Variants in ZNF519 observed in about 807,000 individuals in gnomAD.
The protein encoded by ZNF519 is zinc finger protein 519.
Under a neutral mutation model 7.4 loss-of-function variants are expected in ZNF519, and 7 were observed. That is an observed-to-expected ratio of 0.94 (90% CI 0.54 to 1.77). ZNF519 has a LOEUF of 1.77. ZNF519 is among the 40% of genes most tolerant of loss of function. ZNF519 has a pLI of 0.00. For synonymous variants in ZNF519, 179 were observed against 203.3 expected, an observed-to-expected ratio of 0.88 and a Z score of 1.02; for missense variants, 586 against 623.1, an observed-to-expected ratio of 0.94 and a Z score of 0.63.
chr18:14,108,886 T>A lies in ZNF519; in HGVS notation c.131-2477A>T, dbSNP rs187695525. Among the ~76,000 whole-genome samples, 6 of 151,900 alleles carry A rather than the reference T, an allele frequency of 3.9e-5. No individual in the cohort carries two copies. In the East Asian group the frequency reaches 9.7e-4, roughly 25 times the overall value. On this transcript the variant is annotated intron_variant, in intron 2 of 2. Transcript: ENST00000590202. ...TGGGTGGATCACCTGAGGTTGGGAGTTTGAGACCAGCCTGATTAACATGGA... is the reference window on the plus strand; with the variant it reads ...TGGGTGGATCACCTGAGGTTGGGAGATTGAGACCAGCCTGATTAACATGGA...
At chr18:14,124,310 T>C in intron 2 of ZNF519, 40 bp downstream of exon 2, 1 of 1,558,486 alleles carries the variant, frequency 6.4e-7, no homozygotes, top group South Asian at 1.3e-5. Context: ...AATAAAACTC[T>C]GAGGGAGAAT....
intron 2 of ZNF519, among the ~76,000 whole-genome samples, chr18:14,111,415 T>C (rs1411965811): frequency 7.0e-6 from 1 of 143,078 alleles, no homozygotes; most frequent in African/African-American, 2.6e-5. Context: ...CTGAGGCAGG[T>C]AGAATTGCTG....
chr18:14,114,632 C>T (rs1387637238), intron 2 of ZNF519, among the ~76,000 whole-genome samples: 1 of 152,010 alleles, frequency 6.6e-6, no homozygotes, highest in Non-Finnish European at 1.5e-5. Flanking sequence ...AGGGAGAGAG[C>T]AGAATTGTTA....
intron 2 of ZNF519, among the ~76,000 whole-genome samples, chr18:14,092,797 G>A (rs778036312): frequency 2.6e-5 from 4 of 152,106 alleles, no homozygotes; most frequent in Non-Finnish European, 5.9e-5. Flanking sequence ...TGTCAACTAG[G>A]CCTCAATCTT....
In ZNF519 at chr18:14,132,372, T is replaced by C. The variant is rs2046335501; in HGVS notation, c.-95A>G. On this transcript the variant is annotated 5_prime_UTR_variant, in exon 1 of 3. Transcript: ENST00000590202. ...GGAGTGAGTGGCAGAATCACCGAAG[T>C]CTCCCGGAGCAGAGGACACAAGGCA... The C allele has an allele frequency of 9.3e-6, 14 of 1,498,978 alleles. No individual in the cohort carries two copies. Among genetic ancestry groups the C allele is most frequent in the Non-Finnish European group, 1.1e-5 (12 of 1,079,924 alleles). The allele number at this position is 1,498,978 out of a possible 1,614,324, so 92.9% of individuals were successfully genotyped here. A position where few individuals can be genotyped will look rare whatever the true frequency, so the allele number is the denominator to read the frequency against.
In ZNF519 at chr18:14,101,766, G is replaced by C; in HGVS notation, c.*3151C>G. ...CATCAGTTCTTTGATGATGTTCTGT[G>C]TGGAGCTCTGCAAAGACAAACCAGC... On this transcript the variant is annotated 3_prime_UTR_variant, in exon 3 of 3. Coordinates refer to ENST00000590202, the MANE Select transcript of ZNF519 (RefSeq NM_145287.4). 2.5e-6 allele frequency: 1 copy of C among 398,638 alleles called. No homozygotes were observed. Among genetic ancestry groups the C allele is most frequent in the Non-Finnish European group, 4.4e-6 (1 of 226,102 alleles). 24.7% of individuals were successfully genotyped at this position (398,638 alleles called of 1,614,324 possible).
At position 14,132,392 on chromosome 18, in the gene ZNF519, A is replaced by T; in HGVS notation, c.-115T>A. Reference sequence around the variant, plus strand: ...CGAAGTCTCCCGGAGCAGAGGACACAAGGCAATGAAGCCCTAACCCCGCGC... The same window carrying T: ...CGAAGTCTCCCGGAGCAGAGGACACTAGGCAATGAAGCCCTAACCCCGCGC... On this transcript the variant is annotated 5_prime_UTR_variant, in exon 1 of 3. Transcript: ENST00000590202. 1 of 1,328,352 alleles carries T rather than the reference A, an allele frequency of 7.5e-7. No homozygotes were observed. The highest frequency in any genetic ancestry group is 1.1e-6 in the Non-Finnish European group (1 of 934,542). The allele number at this position is 1,328,352 out of a possible 1,614,324, so 82.3% of individuals were successfully genotyped here. A position where few individuals can be genotyped will look rare whatever the true frequency, so the allele number is the denominator to read the frequency against.
chr18:14,124,233 GAAGAA>G (rs1167654184), intron 2 of ZNF519, 112 bp downstream of exon 2: 2 of 951,892 alleles, frequency 2.1e-6, no homozygotes, highest in Admixed American at 3.3e-5. Context: ...ATTTTTTCTT[GAAGAA>G]AAGAACTGAA....
At chr18:14,092,680 A>G (rs2046119328) in intron 2 of ZNF519, among the ~76,000 whole-genome samples, 2 of 152,164 alleles carry the variant, frequency 1.3e-5, no homozygotes, top group South Asian at 4.1e-4. Flanking sequence ...ATCAGCCTCC[A>G]GTATTTACAT....
At chr18:14,078,279 T>C (rs913457504) in exon 4 of ZNF519, 2 of 152,180 alleles carry the variant, frequency 1.3e-5, no homozygotes, top group African/African-American at 2.4e-5. Context: ...CTTCTGCACA[T>C]AGGAGCCTGA....
chr18:14,126,526 C>T (rs2046300366), intron 1 of ZNF519, among the ~76,000 whole-genome samples: 2 of 152,176 alleles, frequency 1.3e-5, no homozygotes, highest in Admixed American at 6.5e-5. Flanking sequence ...CTACACCTTC[C>T]GTCTTTGTGC....
chr18:14,112,363 A>G (rs2046225402), intron 2 of ZNF519, among the ~76,000 whole-genome samples: 1 of 152,176 alleles, frequency 6.6e-6, no homozygotes, highest in Non-Finnish European at 1.5e-5. Flanking sequence ...ATGATACTAA[A>G]TGGGGAAAAA....
downstream of ZNF519, chr18:14,073,059 T>G (rs1033274002): frequency 6.6e-6 from 1 of 152,042 alleles, no homozygotes; most frequent in Non-Finnish European, 1.5e-5. Context: ...TGGAGGAAAA[T>G]CCACAAGCAG....
intron 2 of ZNF519, among the ~76,000 whole-genome samples, chr18:14,087,573 G>C (rs191029601): frequency 6.6e-6 from 1 of 152,178 alleles, no homozygotes; most frequent in African/African-American, 2.4e-5. Flanking sequence ...AGATAACACA[G>C]GCAGAACTTC....
intron 2 of ZNF519, 157 bp downstream of exon 2, chr18:14,124,193 A>AT: frequency 3.1e-6 from 2 of 643,736 alleles, no homozygotes; most frequent in Non-Finnish European, 4.7e-6. Context: ...AAAAAAAAAA[A>AT]GATTTTCTTT....
chr18:14,076,862 A>C (rs2046049898), exon 5 of ZNF519: 1 of 152,198 alleles, frequency 6.6e-6, no homozygotes, highest in Non-Finnish European at 1.5e-5. Context: ...TAAGGAGTAG[A>C]CAATGCATGT....
intron 2 of ZNF519, among the ~76,000 whole-genome samples, chr18:14,113,402 T>C (rs4797864): frequency 0.45 from 68,651 of 152,006 alleles, 15,849 homozygotes; most frequent in Non-Finnish European, 0.49. Flanking sequence ...CTCCCTGCTT[T>C]GAGTTGTCCC....
chr18:14,094,827 T>C (rs2143104338), intron 2 of ZNF519, among the ~76,000 whole-genome samples: 1 of 152,308 alleles, frequency 6.6e-6, no homozygotes, highest in East Asian at 1.9e-4. Flanking sequence ...GATTCTGTTG[T>C]TGATGCCCCC....
chr18:14,086,900 T>C (rs1286469724), intron 2 of ZNF519, among the ~76,000 whole-genome samples: 2 of 147,234 alleles, frequency 1.4e-5, no homozygotes, highest in Non-Finnish European at 3.0e-5. Flanking sequence ...GACAGGCTTT[T>C]TGAAAAGATA....
Sources: allele counts gnomAD v4.1 joint callset (sites outside exome capture counted in the v4.1 genomes callset), GRCh38; gene constraint gnomAD v4.1.1; transcripts MANE v1.5; gene names NCBI Gene and HGNC (gene_info 2026-07-23, HGNC 2026-07-21).